NRXN2: variants seen among roughly 807,000 people sequenced by gnomAD.
NRXN2 encodes the protein neurexin-2-beta.
In NRXN2, 29 loss-of-function variants were observed where a neutral mutation model predicts 128.8. The observed-to-expected ratio is 0.23, with a 90% CI of 0.17 to 0.31. The LOEUF (loss-of-function observed/expected upper bound fraction) is 0.31, where lower values mean the gene tolerates loss of function less well. Ranked by LOEUF, NRXN2 falls within the 10% of genes least tolerant of loss-of-function variation. NRXN2 has a pLI of 1.00. For missense variants in NRXN2, 1,881 were observed against 2,452.6 expected (o/e 0.77, Z 4.92); for synonymous variants, 1,098 against 1,075.2 (o/e 1.02, Z -0.41).
rs376478377 is a variant in NRXN2 at position 64,612,848 on chromosome 11, C to A, written c.4253-4766G>T. 2.0e-5 allele frequency among the ~76,000 whole-genome samples: 3 copies of A among 152,230 alleles called. No individual in the cohort carries two copies. The South Asian group carries it at 6.2e-4, about 32-fold the overall frequency. ...GGGGGTTAGAAAACACAGTTCTATG[C>A]GGACGTGACCCTGTGGTGCATGATT... On this transcript the variant is annotated intron_variant, in intron 22 of 22. Transcript: ENST00000265459.
rs745871985 is a variant in NRXN2, at chr11:64,653,724, TG to T, written c.2390-3del. 12 of 1,579,854 alleles carry T rather than the reference TG, an allele frequency of 7.6e-6. No homozygotes were observed. The highest frequency in any genetic ancestry group is 5.4e-5 in the Admixed American group (3 of 55,332). On this transcript the variant is annotated splice_polypyrimidine_tract_variant and splice_region_variant and intron_variant, in intron 11 of 22. Transcript: ENST00000265459. ...GTGCGCAGCCGACGCGCAGGCAGTC[TG>T]GGGGGGCCATGGGGCGGGCAGAGGG...
At chr11:64,711,383 G>A (rs2056870112) in intron 2 of NRXN2, among the ~76,000 whole-genome samples, 1 of 152,208 alleles carries the variant, frequency 6.6e-6, no homozygotes, top group Non-Finnish European at 1.5e-5. Context: ...GAGGGGCGGG[G>A]AGAGACGCGC....
At position 64,651,917 on chromosome 11, in the gene NRXN2, G is replaced by C; in HGVS notation, c.2536+118C>G. Reference sequence around the variant, plus strand: ...CCACCCCTGAAGGAGAAATGGCAGAGGCAGCTTGCCAGAACACTGCCCTAG... The same window carrying C: ...CCACCCCTGAAGGAGAAATGGCAGACGCAGCTTGCCAGAACACTGCCCTAG... On this transcript the variant is annotated intron_variant, in intron 13 of 22. Transcript: ENST00000265459. This position sits in a 1 kb window ranked among gnomAD's most constrained non-coding sequence, Gnocchi z 5.9. 1 of 1,494,730 alleles carries C rather than the reference G, an allele frequency of 6.7e-7. No individual in the cohort carries two copies. The allele number at this position is 1,494,730 out of a possible 1,614,324, so 92.6% of individuals were successfully genotyped here. A position where few individuals can be genotyped will look rare whatever the true frequency, so the allele number is the denominator to read the frequency against.
intron 3 of NRXN2, among the ~76,000 whole-genome samples, chr11:64,696,010 C>T (rs887569544): frequency 6.6e-6 from 1 of 151,742 alleles, no homozygotes; most frequent in Non-Finnish European, 1.5e-5. Context: ...TCCTGCCCCA[C>T]CCCCTACAGC....
chr11:64,694,443 T>C (rs1316021312), intron 3 of NRXN2, among the ~76,000 whole-genome samples: 1 of 152,226 alleles, frequency 6.6e-6, no homozygotes, highest in African/African-American at 2.4e-5. Context: ...AGGAAGGACA[T>C]GGCCAGGGGC....
Position 64,622,677 on chromosome 11 carries a change from C to A in NRXN2, c.4173+76G>T. 1 of 1,544,634 alleles carries A rather than the reference C, an allele frequency of 6.5e-7. No homozygotes were observed. The highest frequency in any genetic ancestry group is 8.7e-7 in the Non-Finnish European group (1 of 1,144,008). On this transcript the variant is annotated intron_variant, in intron 21 of 22. Transcript: ENST00000265459. This position sits in a 1 kb window ranked among gnomAD's most constrained non-coding sequence, Gnocchi z 4.3. ...CCTTGGACCCTCACTCTAGGCACCA[C>A]TACTGTGGCTATGCAGATATCAACC... is the stretch of plus-strand genomic sequence containing the variant.
At chr11:64,690,658 G>A (rs557264861) in intron 4 of NRXN2, among the ~76,000 whole-genome samples, 182 bp from the exon 5 acceptor site, 15 of 152,182 alleles carry the variant, frequency 9.9e-5, no homozygotes, top group Non-Finnish European at 1.3e-4. Context: ...TTGACAAACC[G>A]AGGGCGATCA....
At chr11:64,627,243 C>A (rs1405131267) in intron 19 of NRXN2, among the ~76,000 whole-genome samples, 1 of 151,996 alleles carries the variant, frequency 6.6e-6, no homozygotes, top group Admixed American at 6.5e-5. Context: ...ACTCCCTTTG[C>A]AAGGCCTCCT....
intron 15 of NRXN2, 74 bp downstream of exon 15, chr11:64,650,374 G>A: frequency 1.3e-6 from 2 of 1,500,150 alleles, no homozygotes; most frequent in African/African-American, 1.4e-5. Flanking sequence ...CAGCGTCGCA[G>A]GAATGGGGTG....
intron 1 of NRXN2, among the ~76,000 whole-genome samples, chr11:64,717,175 G>A (rs996893037): frequency 3.9e-5 from 6 of 152,156 alleles, no homozygotes; most frequent in Non-Finnish European, 7.4e-5. Context: ...TCCTCCCCAG[G>A]TTTATGCAGT....
chr11:64,688,561 T>G (rs1233097736), intron 5 of NRXN2: 29 of 985,144 alleles, frequency 2.9e-5, no homozygotes, highest in South Asian at 4.7e-5. Flanking sequence ...GAACAAGCCC[T>G]GAAGCACCAG....
intron 1 of NRXN2, among the ~76,000 whole-genome samples, chr11:64,715,610 G>A (rs1434500073): frequency 6.6e-6 from 1 of 152,130 alleles, no homozygotes; most frequent in Non-Finnish European, 1.5e-5. Context: ...GAGCGTTGGG[G>A]GAGCCATCTC....
intron 2 of NRXN2, among the ~76,000 whole-genome samples, chr11:64,704,655 G>C (rs923005472): frequency 6.6e-6 from 1 of 150,724 alleles, no homozygotes; most frequent in African/African-American, 2.4e-5. Context: ...GAGAGAGAGA[G>C]AGAGAGAGAG....
chr11:64,692,756 G>A (rs895228991), intron 4 of NRXN2, 91 bp downstream of exon 4: 4 of 1,376,244 alleles, frequency 2.9e-6, no homozygotes, highest in Non-Finnish European at 2.1e-6. Context: ...GGAGGGGAAG[G>A]GGACAGGGGA....
intron 22 of NRXN2, among the ~76,000 whole-genome samples, chr11:64,611,260 A>T (rs1591460720): frequency 6.6e-6 from 1 of 151,864 alleles, no homozygotes; most frequent in Non-Finnish European, 1.5e-5. Flanking sequence ...AGTTCTAAAC[A>T]CCCCACCCCC....
chr11:64,654,658 G>A (rs2047989266), intron 11 of NRXN2, among the ~76,000 whole-genome samples: 1 of 152,196 alleles, frequency 6.6e-6, no homozygotes, highest in Non-Finnish European at 1.5e-5. Flanking sequence ...CCCAAAGGTG[G>A]GAGCCAGTCA....
In NRXN2 at chr11:64,648,190, A is replaced by C. The variant is rs374886418; in HGVS notation, c.3403+29T>G. On this transcript the variant is annotated intron_variant, in intron 17 of 22. Transcript: ENST00000265459. The surrounding 1 kb of genome is among the most constrained non-coding windows in gnomAD (Gnocchi z 4.1). Reference sequence around the variant, plus strand: ...CTGGGAATGGACCCTGGTCTCCCCAAACTGCCCCCAGCCCTCCCAGGCACT... The same window carrying C: ...CTGGGAATGGACCCTGGTCTCCCCACACTGCCCCCAGCCCTCCCAGGCACT... 1.2e-6 allele frequency: 2 copies of C among 1,614,002 alleles called. No individual in the cohort carries two copies. Among genetic ancestry groups the C allele is most frequent in the Middle Eastern group, 1.6e-4 (1 of 6,062 alleles).
chr11:64,690,527 C>T (rs1368537554), intron 4 of NRXN2, 51 bp from the exon 5 acceptor site: 1 of 1,514,996 alleles, frequency 6.6e-7, no homozygotes, highest in Non-Finnish European at 9.1e-7. Context: ...GAGCCAGTCC[C>T]TCCCCAGCCT....
chr11:64,670,000 C>G lies in NRXN2; in HGVS notation c.1198-1396G>C, dbSNP rs2050413086. Among the ~76,000 whole-genome samples the G allele has an allele frequency of 2.0e-5, 3 of 152,110 alleles. No homozygotes were observed. The South Asian group carries it at 6.2e-4, about 32-fold the overall frequency. ...CATGCCACCAGCCATCTTCCAGCGA[C>G]TGGTCTCCAGGGGTCCATGGTCTCG... On this transcript the variant is annotated intron_variant, in intron 7 of 22. Transcript: ENST00000265459.
Sources: gnomAD v4.1 joint callset for allele counts (sites outside exome capture counted in the v4.1 genomes callset) on GRCh38, gnomAD v4.1.1 for gene constraint, Gnocchi (gnomAD v3.1) non-coding constraint, MANE v1.5 for transcripts, NCBI Gene and HGNC (gene_info 2026-07-23, HGNC 2026-07-21) for gene names.